The following SPECC1 variants were observed in gnomAD, a reference collection of about 807,000 sequenced individuals.
SPECC1 encodes the protein sperm antigen with calponin homology and coiled-coil domains 1.
SPECC1 carries 62 observed loss-of-function variants against 104.1 expected under a neutral mutation model. That is an observed-to-expected ratio of 0.60 (90% CI 0.49 to 0.74). The LOEUF is 0.74. Ranked by LOEUF, SPECC1 falls within the 30% of genes least tolerant of loss-of-function variation. The pLI, the probability that SPECC1 is intolerant of heterozygous loss-of-function variation, is 0.00. For synonymous variants in SPECC1, 513 were observed against 501.6 expected, an observed-to-expected ratio of 1.02 and a Z score of -0.30; for missense variants, 1,306 against 1,310.5, an observed-to-expected ratio of 1.00 and a Z score of 0.05.
chr17:20,305,307 A>G (rs1043259221), intron 13 of SPECC1, among the ~76,000 whole-genome samples: 1 of 152,196 alleles, frequency 6.6e-6, no homozygotes. Flanking sequence ...TTTACTCCTG[A>G]CATACAAAGT....
intron 12 of SPECC1, among the ~76,000 whole-genome samples, chr17:20,288,869 C>T (rs564865820): frequency 9.3e-5 from 14 of 151,242 alleles, no homozygotes; most frequent in Middle Eastern, 3.5e-3. Context: ...CTGCAACCTC[C>T]GCCCCCCCGG....
At chr17:20,074,714 C>T (rs1219032068) in intron 1 of SPECC1, among the ~76,000 whole-genome samples, 3 of 152,030 alleles carry the variant, frequency 2.0e-5, no homozygotes, top group Non-Finnish European at 2.9e-5. Context: ...TTAGAGTAGC[C>T]GTGTTTCACT....
intron 1 of SPECC1, among the ~76,000 whole-genome samples, chr17:20,015,583 TA>T (rs1349717644): frequency 1.1e-4 from 13 of 122,100 alleles, no homozygotes; most frequent in African/African-American, 3.4e-4. Context: ...TCCGGGTCTC[TA>T]TTTTTTTTTT....
At chr17:20,097,237 C>T (rs2047694845) in intron 2 of SPECC1, among the ~76,000 whole-genome samples, 2 of 152,294 alleles carry the variant, frequency 1.3e-5, no homozygotes, top group South Asian at 4.1e-4. Context: ...GTTTTCTCCT[C>T]CCCCCATCCC....
chr17:20,255,911 TCTGTCACCCAGG>T (rs1019501070), intron 10 of SPECC1, among the ~76,000 whole-genome samples: 10 of 148,938 alleles, frequency 6.7e-5, no homozygotes, highest in African/African-American at 2.5e-4. Context: ...GCAGTCTTGC[TCTGTCACCCAGG>T]CTGGAGTGCA....
In SPECC1 at chr17:20,257,705, A is replaced by G. The variant is rs546886164; in HGVS notation, c.2837+98A>G. 30 of 1,450,100 alleles carry G rather than the reference A, an allele frequency of 2.1e-5. 1 individual carries two copies. Among genetic ancestry groups the G allele is most frequent in the South Asian group, 8.7e-5 (7 of 80,484 alleles). The allele number at this position is 1,450,100 out of a possible 1,614,324, so 89.8% of individuals were successfully genotyped here. ...TCCCCGTGGCCAATTTACTTCTACA[A>G]ATATTTCCTGCATGAAAATGACTAA... is the stretch of plus-strand genomic sequence containing the variant. On this transcript the variant is annotated intron_variant, in intron 11 of 14. Coordinates refer to ENST00000395527, the MANE Select transcript of SPECC1 (RefSeq NM_001243439.2).
intron 1 of SPECC1, among the ~76,000 whole-genome samples, chr17:20,062,749 T>C (rs2046231138): frequency 6.6e-6 from 1 of 151,628 alleles, no homozygotes; most frequent in South Asian, 2.1e-4. Flanking sequence ...AGTGCACTGG[T>C]GGGATCTCGG....
At chr17:20,198,641 G>A (rs571537656) in intron 3 of SPECC1, among the ~76,000 whole-genome samples, 67 of 152,258 alleles carry the variant, frequency 4.4e-4, no homozygotes, top group Non-Finnish European at 7.5e-4. Context: ...TTACTGAGAC[G>A]GGCCTCTAAC....
At chr17:20,182,119 C>CTTTTTTTTTTTTTT (rs57991209) in intron 3 of SPECC1, among the ~76,000 whole-genome samples, 3 of 136,576 alleles carry the variant, frequency 2.2e-5, no homozygotes, top group African/African-American at 8.4e-5. Flanking sequence ...CTTTCTTTTT[C>CTTTTTTTTTTTTTT]TTTTTTTTTT....
At chr17:20,181,160 A>G (rs1267600091) in intron 3 of SPECC1, among the ~76,000 whole-genome samples, 1 of 152,188 alleles carries the variant, frequency 6.6e-6, no homozygotes, top group African/African-American at 2.4e-5. Context: ...TTTGTAGAAT[A>G]GAACTGAATC....
chr17:20,057,575 T>TG (rs1381847100), intron 1 of SPECC1: 1 of 152,222 alleles, frequency 6.6e-6, no homozygotes, highest in Non-Finnish European at 1.5e-5. Flanking sequence ...ACTGCAGTCT[T>TG]GATCTCCTGG....
intron 3 of SPECC1, among the ~76,000 whole-genome samples, chr17:20,145,775 G>A (rs2031395768): frequency 6.6e-6 from 1 of 152,184 alleles, no homozygotes. Context: ...CCAGCTCCCT[G>A]GCAGGCAGGA....
In SPECC1 at chr17:20,219,861, T is replaced by TG. The variant is rs199792368; in HGVS notation, c.1864-7544dup. ...ATCCTTTTGATATGATTTTTGTATA[T>TG]GGGGGGGGTGTCTAGTTTCATTCTT... On this transcript the variant is annotated intron_variant, in intron 4 of 14. Coordinates refer to ENST00000395527, the MANE Select transcript of SPECC1 (RefSeq NM_001243439.2). Among the ~76,000 whole-genome samples the TG allele has an allele frequency of 3.5e-3, 536 of 151,750 alleles. 1 individual carries two copies. The highest frequency in any genetic ancestry group is 6.8e-3 in the Middle Eastern group (2 of 294).
Position 20,318,678 on chromosome 17 carries a change from C to T in SPECC1, c.*4613C>T, listed in dbSNP as rs2042068860. On this transcript the variant is annotated 3_prime_UTR_variant, in exon 15 of 15. Coordinates refer to ENST00000395527, the MANE Select transcript of SPECC1 (RefSeq NM_001243439.2). ...TCGAGTGCCATTTTGAGATGACCTA[C>T]CAATGACATGCAGTAAAGGACATAA... The T allele has an allele frequency of 1.3e-5, 3 of 226,946 alleles. No homozygotes were observed. The highest frequency in any genetic ancestry group is 2.6e-5 in the Non-Finnish European group (3 of 114,174). The allele number at this position is 226,946 out of a possible 1,614,324, so 14.1% of individuals were successfully genotyped here.
At chr17:20,153,076 T>TGG (rs1253245680) in intron 3 of SPECC1, among the ~76,000 whole-genome samples, 2 of 152,094 alleles carry the variant, frequency 1.3e-5, no homozygotes, top group Middle Eastern at 3.2e-3. Flanking sequence ...TATCACATTG[T>TGG]GGGGGGTAGG....
chr17:20,116,468 A>T (rs1320770130), intron 3 of SPECC1, among the ~76,000 whole-genome samples: 2 of 148,016 alleles, frequency 1.4e-5, no homozygotes, highest in Non-Finnish European at 3.0e-5. Flanking sequence ...AAAGGGCAAA[A>T]TATTTAGAAA....
intron 3 of SPECC1, among the ~76,000 whole-genome samples, chr17:20,142,549 G>C (rs2030946691): frequency 6.6e-6 from 1 of 152,188 alleles, no homozygotes; most frequent in South Asian, 2.1e-4. Flanking sequence ...ACATTATGCT[G>C]AGTAAAAGGA....
Position 20,318,645 on chromosome 17 carries a change from T to G in SPECC1, c.*4580T>G. The G allele has an allele frequency of 4.4e-6, 1 of 227,158 alleles. No individual in the cohort carries two copies. 14.1% of individuals were successfully genotyped at this position (227,158 alleles called of 1,614,324 possible). ...CAAATCTAGCAATAGTTCTCACCCTTCCAAAGCTCGAGTGCCATTTTGAGA... is the reference window on the plus strand; with the variant it reads ...CAAATCTAGCAATAGTTCTCACCCTGCCAAAGCTCGAGTGCCATTTTGAGA... On this transcript the variant is annotated 3_prime_UTR_variant, in exon 15 of 15. Transcript: ENST00000395527.
intron 11 of SPECC1, 21 bp from the exon 12 acceptor site, chr17:20,260,171 T>G (rs750083279): frequency 6.3e-7 from 1 of 1,592,068 alleles, no homozygotes; most frequent in South Asian, 1.1e-5. Context: ...CTCCTTACCA[T>G]GTGCTCTTCT....
Sources: allele counts gnomAD v4.1 joint callset (sites outside exome capture counted in the v4.1 genomes callset), GRCh38; gene constraint gnomAD v4.1.1; transcripts MANE v1.5; gene names NCBI Gene and HGNC (gene_info 2026-07-23, HGNC 2026-07-21).